The following MUC17 variants were observed in gnomAD, a reference collection of about 807,000 sequenced individuals.
MUC17 encodes mucin-17.
A neutral mutation model predicts 170.3 loss-of-function variants in MUC17; 190 were observed. The ratio of observed to expected loss-of-function variants is 1.12; its 90% CI spans 0.99 to 1.26. The LOEUF is 1.26. Among genes scored for constraint, MUC17 ranks in the 50% most tolerant of loss-of-function variants. The pLI is 0.00. For missense variants in MUC17, 6,415 were observed against 5,530.0 expected (o/e 1.16, Z -5.08); for synonymous variants, 2,325 against 2,002.5 (o/e 1.16, Z -4.30).
Position 101,040,217 on chromosome 7 carries a change from T to G in MUC17, c.8801T>G (p.Leu2934Arg), listed in dbSNP as rs745963522. The change falls in exon 3 of 13, where the codon CTT (leucine) becomes CGT (arginine). Residue 2934 changes from leucine (L) to arginine (R), a missense_variant. Coordinates refer to ENST00000306151, the MANE Select transcript of MUC17 (RefSeq NM_001040105.2). ...SEVSTPLTSI[L>R]VSTVPVAGSE... ...GTAAGTACTCCATTAACAAGTATAC[T>G]TGTCAGCACCGTGCCAGTGGCCGGT... 2 of 1,580,202 alleles carry G rather than the reference T, an allele frequency of 1.3e-6. No homozygotes were observed. Among genetic ancestry groups the G allele is most frequent in the South Asian group, 1.1e-5 (1 of 89,330 alleles).
chr7:101,050,459 A>G lies in MUC17; in HGVS notation c.12723-25A>G. ...GAGGTAAGCACCCTATTCTGACCCC[A>G]GGACGTCTTCCCTTCCCTCTTCAGT... On this transcript the variant is annotated intron_variant, in intron 6 of 12. Transcript: ENST00000306151. 1.9e-6 allele frequency: 3 copies of G among 1,608,624 alleles called. No homozygotes were observed. In the South Asian group the frequency reaches 3.3e-5, roughly 18 times the overall value.
rs749724790 is a variant in MUC17, at chr7:101,031,212, G to T, written c.175G>T (p.Val59Phe). 3 of 1,612,836 alleles carry T rather than the reference G, an allele frequency of 1.9e-6. No individual in the cohort carries two copies. Residue 59 changes from valine to phenylalanine, a missense_variant, in exon 2 of 13, where the codon GTT (valine) becomes TTT (phenylalanine). By Grantham distance (50) the Val-to-Phe change is conservative (BLOSUM62 -1). Transcript: ENST00000306151. ...NRQCQQLSQH[V>F]RTGSAANTAT... ...TCAGTGCCAGCAGCTGTCTCAGCAC[G>T]TTAGGACAGGTAAGGCAACAGACTC...
chr7:101,029,274 T>C (rs1794235263), intron 1 of MUC17, among the ~76,000 whole-genome samples: 1 of 151,752 alleles, frequency 6.6e-6, no homozygotes, highest in Admixed American at 6.6e-5. Flanking sequence ...GAGGATTGCT[T>C]GAACCTGGGA....
Position 101,058,120 on chromosome 7 carries a change from G to A in MUC17, c.*76G>A. 14 of 1,327,820 alleles carry A rather than the reference G, an allele frequency of 1.1e-5. No homozygotes were observed. The South Asian group carries it at 1.3e-4, about 12-fold the overall frequency. The allele number at this position is 1,327,820 out of a possible 1,614,324, so 82.3% of individuals were successfully genotyped here. On this transcript the variant is annotated 3_prime_UTR_variant, in exon 13 of 13. Transcript: ENST00000306151. ...TTGGTGGAGCATTTTCCCATTGAGA[G>A]CCTTCCATGGGAACTCAATGTTCCC...
At chr7:101,026,681 C>T (rs1021256846) in intron 1 of MUC17, among the ~76,000 whole-genome samples, 9 of 152,272 alleles carry the variant, frequency 5.9e-5, no homozygotes, top group African/African-American at 1.7e-4. Context: ...AACTCCTGGG[C>T]TCAAGTGGTC....
rs750778755 is a variant in MUC17, at chr7:101,040,965, C to G, written c.9549C>G (p.Thr3183=). Residue 3183 remains threonine (T), a synonymous_variant, in exon 3 of 13, where the codon ACC becomes ACG. Transcript: ENST00000306151. ...TMLVVSSEDS[T]LSATPVDTST... is the part of the protein sequence containing the mutation. ...TGGTAGTCAGTTCTGAGGATAGCAC[C>G]CTTTCAGCAACTCCTGTTGACACCA... 6.2e-7 allele frequency: 1 copy of G among 1,613,322 alleles called. No individual in the cohort carries two copies. The highest frequency in any genetic ancestry group is 8.5e-7 in the Non-Finnish European group (1 of 1,179,876).
Position 101,033,090 on chromosome 7 carries a change from C to G in MUC17, c.1674C>G (p.Thr558=), listed in dbSNP as rs1794344348. ...CATCTTCTACAACTCCTGAAGGTACCAGCATACCAACCTCAACTCCTAGTG... is the reference window on the plus strand; with the variant it reads ...CATCTTCTACAACTCCTGAAGGTACGAGCATACCAACCTCAACTCCTAGTG... The part of the protein sequence containing the change: ...ASSSSTTPEG[T]SIPTSTPSEG... Residue 558 remains threonine (T), a synonymous_variant, in exon 3 of 13, where the codon ACC becomes ACG. Transcript: ENST00000306151. The G allele has an allele frequency of 6.2e-7, 1 of 1,613,378 alleles. No individual in the cohort carries two copies. Among genetic ancestry groups the G allele is most frequent in the African/African-American group, 1.3e-5 (1 of 74,740 alleles).
chr7:101,033,073 A>C lies in MUC17; in HGVS notation c.1657A>C (p.Thr553Pro). Residue 553 changes from threonine to proline, a missense_variant, in exon 3 of 13, where the codon ACA becomes CCA. Transcript: ENST00000306151. ...TTCTAGTGAAGCCAGTTCATCTTCT[A>C]CAACTCCTGAAGGTACCAGCATACC... The part of the protein sequence containing the change: ...TTSSEASSSS[T>P]TPEGTSIPTS... The C allele has an allele frequency of 6.2e-7, 1 of 1,612,058 alleles. No individual in the cohort carries two copies. Among genetic ancestry groups the C allele is most frequent in the Middle Eastern group, 1.7e-4 (1 of 6,046 alleles).
In MUC17 at chr7:101,051,975, C is replaced by G. The variant is rs1794956094; in HGVS notation, c.13103+13C>G. The G allele has an allele frequency of 6.2e-7, 1 of 1,606,680 alleles. No homozygotes were observed. The highest frequency in any genetic ancestry group is 1.3e-5 in the African/African-American group (1 of 74,940). ...GACCTCAGTGCCTGTGAGTGCTCCC[C>G]CATCTCCTCCAGCCCAGCCCAGACG... is the stretch of plus-strand genomic sequence containing the variant. On this transcript the variant is annotated intron_variant, in intron 9 of 12. Transcript: ENST00000306151.
chr7:101,040,136 GTTC>G lies in MUC17; in HGVS notation c.8725_8727del (p.Ser2909del), dbSNP rs1360144262. The G allele has an allele frequency of 6.2e-7, 1 of 1,612,612 alleles. No individual in the cohort carries two copies. The highest frequency in any genetic ancestry group is 2.2e-5 in the East Asian group (1 of 44,830). ...CCTGTCACCACTTCTACTGAAGGCA[GTTC>G]TTCTCCTACAACTGCTGAAGGTACC... On this transcript the variant is annotated inframe_deletion, in exon 3 of 13. Transcript: ENST00000306151.
At position 101,020,386 on chromosome 7, in the gene MUC17, C is replaced by T. The variant is rs756507699; in HGVS notation, c.82+169C>T. Among the ~76,000 whole-genome samples the T allele has an allele frequency of 6.6e-5, 10 of 152,256 alleles. No individual in the cohort carries two copies. The East Asian group carries it at 9.7e-4, about 15-fold the overall frequency. ...CCCTGGACTTCTCTTCTCTCCCCAGCGAGCTTTGGGGGAAGAGCCAGGGCA... is the reference window on the plus strand; with the variant it reads ...CCCTGGACTTCTCTTCTCTCCCCAGTGAGCTTTGGGGGAAGAGCCAGGGCA... On this transcript the variant is annotated intron_variant, in intron 1 of 12. Transcript: ENST00000306151.
rs780003357 is a variant in MUC17, at chr7:101,042,943, A to C, written c.11527A>C (p.Ser3843Arg). The change falls in exon 3 of 13, where the codon AGC becomes CGC. Residue 3843 changes from serine (S) to arginine (R), a missense_variant. Transcript: ENST00000306151. The stretch of plus-strand genomic sequence containing the variant: ...ACTTTCAACACCTCCTGGTGATACC[A>C]GCACACCTTTGCTCACCTCTACCAA... ...STLSTPPGDT[S>R]TPLLTSTKAG... 1.9e-6 allele frequency: 3 copies of C among 1,614,120 alleles called. No homozygotes were observed. The South Asian group carries it at 3.3e-5, about 18-fold the overall frequency.
At position 101,038,078 on chromosome 7, in the gene MUC17, C is replaced by G. The variant is rs11979706; in HGVS notation, c.6662C>G (p.Pro2221Arg). Residue 2221 changes from proline to arginine, a missense_variant, in exon 3 of 13, where the codon CCA becomes CGA. Coordinates refer to ENST00000306151, the MANE Select transcript of MUC17 (RefSeq NM_001040105.2). ...PTSTPSEGST[P>R]FTSMPVSTMP... ...TCAACTCCTAGTGAAGGAAGCACTC[C>G]ATTCACAAGTATGCCTGTCAGCACC... 992,805 of 1,601,016 alleles carry G rather than the reference C, an allele frequency of 0.62. 307,785 individuals are homozygous for G. Among genetic ancestry groups the G allele is most frequent in the East Asian group, 0.78 (34,643 of 44,176 alleles).
rs151191369 is a variant in MUC17 at position 101,038,133 on chromosome 7, C to T, written c.6717C>T (p.Thr2239=). ...CGGTAGTTACTTCTGAGGCTAGCAC[C>T]CTTTCAGCAACTCCTGTTGACACCA... ...TMPVVTSEAS[T]LSATPVDTST... is the part of the protein sequence containing the mutation. Residue 2239 remains threonine, a synonymous_variant, in exon 3 of 13, where the codon ACC becomes ACT. Transcript: ENST00000306151. The T allele has an allele frequency of 4.0e-4, 649 of 1,607,598 alleles. No homozygotes were observed. The highest frequency in any genetic ancestry group is 5.1e-4 in the Non-Finnish European group (599 of 1,177,468).
rs772429982 is a variant in MUC17, at chr7:101,036,030, T to C, written c.4614T>C (p.Pro1538=). The change falls in exon 3 of 13, where the codon CCT becomes CCC. Residue 1538 remains proline, a synonymous_variant. Coordinates refer to ENST00000306151, the MANE Select transcript of MUC17 (RefSeq NM_001040105.2). ...AAATCAACAGCCTTTCAACAACTCC[T>C]GCTGTCACCAGCACACCTGTGACCA... ...SSEINSLSTT[P]AVTSTPVTTY... 3.7e-6 allele frequency: 6 copies of C among 1,612,268 alleles called. No homozygotes were observed. In the East Asian group the frequency reaches 6.7e-5, roughly 18 times the overall value.
chr7:101,030,488 G>C (rs951090568), intron 1 of MUC17, among the ~76,000 whole-genome samples: 1 of 152,168 alleles, frequency 6.6e-6, no homozygotes, highest in African/African-American at 2.4e-5. Flanking sequence ...TTCCCAAAGT[G>C]CTGGGATTAC....
At chr7:101,050,805 C>A (rs575268486) in intron 7 of MUC17, among the ~76,000 whole-genome samples, 170 bp downstream of exon 7, 2 of 152,024 alleles carry the variant, frequency 1.3e-5, no homozygotes, top group South Asian at 2.1e-4. Context: ...AGGATTGGGC[C>A]GAGAGAGTCT....
At chr7:101,021,204 G>C (rs79531695) in intron 1 of MUC17, among the ~76,000 whole-genome samples, 1 of 34,802 alleles carries the variant, frequency 2.9e-5, no homozygotes, top group African/African-American at 1.2e-4. Flanking sequence ...TTTTTTTTTT[G>C]AGACGGAGCC....
Position 101,056,283 on chromosome 7 carries a change from T to C in MUC17, c.13440+13T>C, listed in dbSNP as rs1795041535. 3.7e-6 allele frequency: 6 copies of C among 1,613,430 alleles called. No individual in the cohort carries two copies. Among genetic ancestry groups the C allele is most frequent in the Non-Finnish European group, 5.1e-6 (6 of 1,179,622 alleles). Reference sequence around the variant, plus strand: ...CCCTGAAACAAAGGTAAGAAGGGCCTGGATGGGATGCTGGCCTCCCCCAAC... The same window carrying C: ...CCCTGAAACAAAGGTAAGAAGGGCCCGGATGGGATGCTGGCCTCCCCCAAC... On this transcript the variant is annotated intron_variant, in intron 12 of 12. Coordinates refer to ENST00000306151, the MANE Select transcript of MUC17 (RefSeq NM_001040105.2).
Sources: allele counts gnomAD v4.1 joint callset (sites outside exome capture counted in the v4.1 genomes callset), GRCh38; gene constraint gnomAD v4.1.1; transcripts MANE v1.5; gene names NCBI Gene and HGNC (gene_info 2026-07-23, HGNC 2026-07-21).